Variants in METTL15 observed in about 807,000 individuals in gnomAD.
METTL15 encodes methyltransferase 15, mitochondrial 12S rRNA N4-cytidine.
Under a neutral mutation model 38.3 loss-of-function variants are expected in METTL15, and 34 were observed. That is an observed-to-expected ratio of 0.89 (90% CI 0.68 to 1.18). The LOEUF (loss-of-function observed/expected upper bound fraction) is 1.18, where lower values mean the gene tolerates loss of function less well. Among genes scored for constraint, METTL15 ranks in the 50% most tolerant of loss-of-function variants. The pLI is 0.00. For synonymous variants in METTL15, 162 were observed against 170.9 expected (o/e 0.95, Z 0.41); for missense variants, 438 against 498.4 (o/e 0.88, Z 1.15).
chr11:28,309,023 G>A (rs933882967), intron 6 of METTL15, among the ~76,000 whole-genome samples: 1 of 152,122 alleles, frequency 6.6e-6, no homozygotes, highest in African/African-American at 2.4e-5. Flanking sequence ...TAGATACATA[G>A]ATAGATGGCT....
chr11:28,451,248 T>C (rs908345581), intron 6 of METTL15, among the ~76,000 whole-genome samples: 1 of 151,584 alleles, frequency 6.6e-6, no homozygotes. Flanking sequence ...CCAACATCAA[T>C]TGGAGATTAA....
In METTL15 at chr11:28,487,409, T is replaced by C. The variant is rs571324250; in HGVS notation, c.*425-39069T>C. ...AATTGTTGACCTAGAAAGATACTTATGATATATTTTAAATTAAAAAACAGG... is the reference window on the plus strand; with the variant it reads ...AATTGTTGACCTAGAAAGATACTTACGATATATTTTAAATTAAAAAACAGG... On this transcript the variant is annotated intron_variant and NMD_transcript_variant, in intron 6 of 7. Coordinates refer to the METTL15 transcript ENST00000532947. Among the ~76,000 whole-genome samples, 151 of 152,248 alleles carry C rather than the reference T, an allele frequency of 9.9e-4. 2 individuals carry two copies. Among genetic ancestry groups the C allele is most frequent in the African/African-American group, 3.6e-3 (149 of 41,562 alleles).
intron 4 of METTL15, among the ~76,000 whole-genome samples, chr11:28,260,228 C>T (rs1261693629): frequency 6.6e-6 from 1 of 152,178 alleles, no homozygotes; most frequent in Non-Finnish European, 1.5e-5. Context: ...TCTTGTTATT[C>T]CTTTTGCATA....
chr11:28,527,792 G>C (rs1851822245), downstream of METTL15, among the ~76,000 whole-genome samples: 1 of 152,166 alleles, frequency 6.6e-6, no homozygotes, highest in African/African-American at 2.4e-5. Context: ...TAGGAAATAT[G>C]CTACCATTTT....
intron 6 of METTL15, among the ~76,000 whole-genome samples, chr11:28,318,585 T>A (rs1322697238): frequency 6.6e-6 from 1 of 152,182 alleles, no homozygotes; most frequent in African/African-American, 2.4e-5. Context: ...GTTTTCTCTA[T>A]CAACATTTCT....
intron 6 of METTL15, among the ~76,000 whole-genome samples, chr11:28,500,626 C>T (rs999054522): frequency 6.6e-6 from 1 of 151,820 alleles, no homozygotes; most frequent in Non-Finnish European, 1.5e-5. Context: ...CAGGTTCAAG[C>T]GATTCTCCTG....
At chr11:28,216,618 T>G (rs573348101) in intron 4 of METTL15, among the ~76,000 whole-genome samples, 2 of 152,190 alleles carry the variant, frequency 1.3e-5, no homozygotes, top group South Asian at 4.1e-4. Flanking sequence ...ACATGCAGAT[T>G]TATTACATAT....
intron 3 of METTL15, among the ~76,000 whole-genome samples, chr11:28,144,108 C>T (rs2133668905): frequency 6.6e-6 from 1 of 152,210 alleles, no homozygotes; most frequent in African/African-American, 2.4e-5. Flanking sequence ...CATTTTAACC[C>T]CAGTAAGTGT....
At chr11:28,405,025 T>C (rs1193082477) in intron 5 of METTL15, among the ~76,000 whole-genome samples, 1 of 152,138 alleles carries the variant, frequency 6.6e-6, no homozygotes, top group Non-Finnish European at 1.5e-5. Flanking sequence ...GATTTAAAAG[T>C]TTCTGAACAT....
At chr11:28,236,554 G>A (rs1026173325) in intron 4 of METTL15, among the ~76,000 whole-genome samples, 23 of 151,962 alleles carry the variant, frequency 1.5e-4, no homozygotes, top group Admixed American at 3.9e-4. Context: ...ATGTGTCGAG[G>A]AATTTGCCAG....
At chr11:28,528,679 C>T (rs1851827621), downstream of METTL15, among the ~76,000 whole-genome samples, 1 of 152,196 alleles carries the variant, frequency 6.6e-6, no homozygotes, top group Admixed American at 6.5e-5. Context: ...ATTACTTTGC[C>T]ACGATTTTCC....
At chr11:28,414,079 A>G (rs1189544648) in intron 5 of METTL15, among the ~76,000 whole-genome samples, 1 of 152,136 alleles carries the variant, frequency 6.6e-6, no homozygotes, top group African/African-American at 2.4e-5. Flanking sequence ...ATTATTATAC[A>G]GGTGATGAAG....
At chr11:28,503,709 T>C (rs1419035446) in intron 6 of METTL15, among the ~76,000 whole-genome samples, 1 of 151,644 alleles carries the variant, frequency 6.6e-6, no homozygotes, top group Non-Finnish European at 1.5e-5. Context: ...GAGAATTGCT[T>C]GAACCAGGGA....
chr11:28,169,207 CAG>C (rs970144392), intron 3 of METTL15, among the ~76,000 whole-genome samples: 2 of 152,040 alleles, frequency 1.3e-5, no homozygotes, highest in Admixed American at 6.6e-5. Flanking sequence ...ATAGATTTGA[CAG>C]AGAAATATGA....
intron 6 of METTL15, among the ~76,000 whole-genome samples, chr11:28,483,714 TA>T (rs1472826623): frequency 6.6e-6 from 1 of 152,192 alleles, no homozygotes; most frequent in Non-Finnish European, 1.5e-5. Context: ...ATGTTACTTA[TA>T]AAAACAGGTA....
At chr11:28,199,640 T>G (rs1402469323) in intron 3 of METTL15, among the ~76,000 whole-genome samples, 3 of 152,134 alleles carry the variant, frequency 2.0e-5, no homozygotes, top group Admixed American at 1.3e-4. Flanking sequence ...CTATCTCTAA[T>G]TGTGCTATCA....
At chr11:28,502,152 A>G in intron 6 of METTL15, among the ~76,000 whole-genome samples, 1 of 151,992 alleles carries the variant, frequency 6.6e-6, no homozygotes, top group Admixed American at 6.6e-5. Context: ...CAGAAACCAT[A>G]GACCCCCTTA....
intron 5 of METTL15, among the ~76,000 whole-genome samples, chr11:28,373,439 A>G (rs1378045297): frequency 2.0e-5 from 3 of 152,016 alleles, no homozygotes; most frequent in African/African-American, 7.2e-5. Flanking sequence ...GTGTCTGTTC[A>G]TGTCCTTCGC....
intron 6 of METTL15, among the ~76,000 whole-genome samples, chr11:28,446,214 A>G (rs1851073957): frequency 6.6e-6 from 1 of 152,070 alleles, no homozygotes; most frequent in Non-Finnish European, 1.5e-5. Flanking sequence ...AGCTCCCATC[A>G]ATGGACTGAC....
Sources: gnomAD v4.1 joint callset for allele counts (sites outside exome capture counted in the v4.1 genomes callset) on GRCh38, gnomAD v4.1.1 for gene constraint, MANE v1.5 for transcripts, NCBI Gene and HGNC (gene_info 2026-07-23, HGNC 2026-07-21) for gene names.